Variants in SPAG16 observed in about 807,000 individuals in gnomAD.
The protein encoded by SPAG16 is sperm associated antigen 16.
Under a neutral mutation model 80.4 loss-of-function variants are expected in SPAG16, and 86 were observed. The observed-to-expected ratio is 1.07, with a 90% CI of 0.90 to 1.28. SPAG16 has a LOEUF of 1.28. SPAG16 is among the 50% of genes most tolerant of loss of function. SPAG16 has a pLI of 0.00. For missense variants in SPAG16, 870 were observed against 765.3 expected (o/e 1.14, Z -1.61); for synonymous variants, 294 against 265.9 (o/e 1.11, Z -1.03).
intron 15 of SPAG16, among the ~76,000 whole-genome samples, chr2:214,312,069 G>A (rs996158076): frequency 6.6e-6 from 1 of 152,110 alleles, no homozygotes; most frequent in East Asian, 1.9e-4. Context: ...ACTAATAAGA[G>A]GAATTATTCA....
rs551750561 is a variant in SPAG16, at chr2:213,948,856, A to G, written c.1400+18711A>G. ...TTACATTTTTTGCCAAAGATTGCAA[A>G]CAGTTAAATTACTTCTCTAATACTC... On this transcript the variant is annotated intron_variant, in intron 12 of 15. Coordinates refer to ENST00000331683, the MANE Select transcript of SPAG16 (RefSeq NM_024532.5). Among the ~76,000 whole-genome samples, 3 of 152,294 alleles carry G rather than the reference A, an allele frequency of 2.0e-5. No homozygotes were observed. The South Asian group carries it at 6.2e-4, about 32-fold the overall frequency.
chr2:213,335,312 C>G (rs955392662), intron 5 of SPAG16, among the ~76,000 whole-genome samples: 3 of 152,052 alleles, frequency 2.0e-5, no homozygotes, highest in African/African-American at 4.8e-5. Flanking sequence ...ACATGTATTC[C>G]TATTTTAAAT....
At chr2:213,789,755 A>AT (rs1478036033) in intron 10 of SPAG16, among the ~76,000 whole-genome samples, 3 of 151,892 alleles carry the variant, frequency 2.0e-5, no homozygotes, top group Admixed American at 2.0e-4. Context: ...AAATAGATTG[A>AT]TTTTTCAACT....
At chr2:213,762,936 G>A (rs2068739039) in intron 10 of SPAG16, among the ~76,000 whole-genome samples, 1 of 151,888 alleles carries the variant, frequency 6.6e-6, no homozygotes, top group Non-Finnish European at 1.5e-5. Context: ...CAACTCAATA[G>A]TTAAAAAAAC....
At chr2:213,375,223 G>T in intron 9 of SPAG16, 104 bp downstream of exon 9, 1 of 820,254 alleles carries the variant, frequency 1.2e-6, no homozygotes. Context: ...GGAATTTAGA[G>T]GTTATATATT....
Position 213,665,672 on chromosome 2 carries a change from T to C in SPAG16, c.1070+175582T>C, listed in dbSNP as rs113831321. Among the ~76,000 whole-genome samples, 715 of 152,272 alleles carry C rather than the reference T, an allele frequency of 4.7e-3. 3 individuals carry two copies. Among genetic ancestry groups the C allele is most frequent in the Middle Eastern group, 0.01 (3 of 294 alleles). ...TCATCAACCAATAAATACATAACCT[T>C]GTTTTATGTGTGTTTATTTTTAAAG... On this transcript the variant is annotated intron_variant, in intron 10 of 15. Transcript: ENST00000331683.
chr2:213,890,494 T>A (rs532475512), intron 11 of SPAG16, among the ~76,000 whole-genome samples: 2 of 152,042 alleles, frequency 1.3e-5, no homozygotes, highest in African/African-American at 2.4e-5. Flanking sequence ...AAGTAGGTAA[T>A]GGGAAAAAAG....
intron 12 of SPAG16, among the ~76,000 whole-genome samples, chr2:214,006,710 T>A (rs2047040481): frequency 6.6e-6 from 1 of 152,240 alleles, no homozygotes; most frequent in South Asian, 2.1e-4. Flanking sequence ...CATTTTCACC[T>A]TCCAAAGAAA....
At chr2:213,836,175 C>CG (rs2074063122) in intron 10 of SPAG16, among the ~76,000 whole-genome samples, 1 of 74,398 alleles carries the variant, frequency 1.3e-5, no homozygotes, top group Non-Finnish European at 3.1e-5. Flanking sequence ...TTTCATTATT[C>CG]GCCCCCCCCC....
intron 10 of SPAG16, among the ~76,000 whole-genome samples, chr2:213,736,941 G>A (rs1358022569): frequency 6.6e-6 from 1 of 151,714 alleles, no homozygotes; most frequent in African/African-American, 2.4e-5. Context: ...CCTGACCTCA[G>A]GTGATCTGCC....
chr2:213,296,463 T>C (rs1413430141), intron 2 of SPAG16, among the ~76,000 whole-genome samples: 5 of 152,218 alleles, frequency 3.3e-5, no homozygotes, highest in Non-Finnish European at 5.9e-5. Flanking sequence ...AGATTCCCAC[T>C]GCTCAGTTGA....
intron 10 of SPAG16, among the ~76,000 whole-genome samples, chr2:213,776,393 G>A (rs2069576587): frequency 6.6e-6 from 1 of 152,152 alleles, no homozygotes. Flanking sequence ...GCAAGGAAAT[G>A]GATTCTCCAC....
At chr2:214,029,450 C>A (rs1020150184) in intron 13 of SPAG16, among the ~76,000 whole-genome samples, 1 of 151,994 alleles carries the variant, frequency 6.6e-6, no homozygotes, top group Non-Finnish European at 1.5e-5. Flanking sequence ...GGTACATTAT[C>A]TGCATTACCT....
At chr2:214,357,107 T>A (rs373894469) in intron 15 of SPAG16, among the ~76,000 whole-genome samples, 2 of 151,942 alleles carry the variant, frequency 1.3e-5, no homozygotes, top group East Asian at 3.9e-4. Context: ...TCACTTTTAA[T>A]CTAATAGTCA....
intron 10 of SPAG16, among the ~76,000 whole-genome samples, chr2:213,836,881 T>C (rs1198522817): frequency 6.6e-6 from 1 of 152,182 alleles, no homozygotes; most frequent in African/African-American, 2.4e-5. Context: ...CCCAAAGTGT[T>C]GGGATTACAG....
chr2:213,601,470 G>A (rs2061059264), intron 10 of SPAG16, among the ~76,000 whole-genome samples: 1 of 152,160 alleles, frequency 6.6e-6, no homozygotes, highest in Non-Finnish European at 1.5e-5. Context: ...CAACTTTAAG[G>A]TGAAACGCTA....
At chr2:213,724,987 G>C (rs1202147511) in intron 10 of SPAG16, among the ~76,000 whole-genome samples, 1 of 151,800 alleles carries the variant, frequency 6.6e-6, no homozygotes, top group Non-Finnish European at 1.5e-5. Flanking sequence ...TAAGGCATGA[G>C]AGATATAATG....
chr2:213,804,901 C>T lies in SPAG16; in HGVS notation c.1071-57584C>T, dbSNP rs115426485. ...TTCACGTCGTGCCTCTTAAGCCAAA[C>T]TAAGAAGCGTTATCTTCATCCTCAG... On this transcript the variant is annotated intron_variant, in intron 10 of 15. Coordinates refer to ENST00000331683, the MANE Select transcript of SPAG16 (RefSeq NM_024532.5). Among the ~76,000 whole-genome samples the T allele has an allele frequency of 3.8e-3, 578 of 152,248 alleles. 2 individuals are homozygous for T. The highest frequency in any genetic ancestry group is 6.4e-3 in the Non-Finnish European group (436 of 68,018).
At chr2:214,152,474 T>C (rs2056019107) in intron 15 of SPAG16, among the ~76,000 whole-genome samples, 1 of 152,130 alleles carries the variant, frequency 6.6e-6, no homozygotes, top group African/African-American at 2.4e-5. Flanking sequence ...TGTTCTAACG[T>C]GGACTCAAAG....
Sources: allele counts gnomAD v4.1 joint callset (sites outside exome capture counted in the v4.1 genomes callset), GRCh38; gene constraint gnomAD v4.1.1; transcripts MANE v1.5; gene names NCBI Gene and HGNC (gene_info 2026-07-23, HGNC 2026-07-21).